AFG2A: variants seen among roughly 807,000 people sequenced by gnomAD.
The protein encoded by AFG2A is ATPase family gene 2 protein homolog A.
chr4:123,248,482 T>G, the AFG2A span, among the ~76,000 whole-genome samples: 1 of 152,338 alleles, frequency 6.6e-6, no homozygotes, highest in Admixed American at 6.5e-5. Context: ...TTTCAAAAGT[T>G]AGCTTTGTAC....
At chr4:122,975,178 G>A in the AFG2A span, among the ~76,000 whole-genome samples, 1 of 152,172 alleles carries the variant, frequency 6.6e-6, no homozygotes, top group South Asian at 2.1e-4. Flanking sequence ...AGATCAAGGT[G>A]CTGGCAGGTT....
chr4:123,032,620 A>C, the AFG2A span, among the ~76,000 whole-genome samples: 1 of 152,158 alleles, frequency 6.6e-6, no homozygotes, highest in Non-Finnish European at 1.5e-5. Context: ...TTCACCATGT[A>C]GGCCAGGCTG....
chr4:123,032,782 A>G, the AFG2A span, among the ~76,000 whole-genome samples: 1 of 152,234 alleles, frequency 6.6e-6, no homozygotes, highest in African/African-American at 2.4e-5. Context: ...TGGCAGTAAC[A>G]GTGAGCCACA....
At chr4:122,994,764 C>T in the AFG2A span, among the ~76,000 whole-genome samples, 1 of 151,256 alleles carries the variant, frequency 6.6e-6, no homozygotes, top group African/African-American at 2.4e-5. Flanking sequence ...AACCCAAACC[C>T]CTTAGTAAAC....
chr4:123,114,876 A>C, the AFG2A span, among the ~76,000 whole-genome samples: 6 of 152,212 alleles, frequency 3.9e-5, no homozygotes, highest in African/African-American at 1.4e-4. Flanking sequence ...TCCCAGGGCT[A>C]GTCCTGTGAG....
At chr4:123,211,705 G>A in the AFG2A span, among the ~76,000 whole-genome samples, 1 of 152,052 alleles carries the variant, frequency 6.6e-6, no homozygotes, top group Non-Finnish European at 1.5e-5. Flanking sequence ...CTAACGAGTA[G>A]TGAAATGGAG....
At chr4:122,966,184 T>A in the AFG2A span, among the ~76,000 whole-genome samples, 193 of 152,290 alleles carry the variant, frequency 1.3e-3, 1 homozygote, top group East Asian at 0.015. Flanking sequence ...TAGGATACGT[T>A]TATATAGAGT....
the AFG2A span, among the ~76,000 whole-genome samples, chr4:123,017,260 G>A: frequency 2.1e-5 from 3 of 142,962 alleles, no homozygotes; most frequent in Non-Finnish European, 3.1e-5. Context: ...GAGAGCGAGA[G>A]CGAGAGCGAG....
At chr4:123,274,595 TA>T in the AFG2A span, among the ~76,000 whole-genome samples, 3,559 of 140,948 alleles carry the variant, frequency 0.025, 138 homozygotes, top group African/African-American at 0.079. Context: ...AGCACATAAT[TA>T]AAAAAAAAAA....
the AFG2A span, among the ~76,000 whole-genome samples, chr4:123,301,349 T>C: frequency 6.6e-6 from 1 of 152,254 alleles, no homozygotes; most frequent in Admixed American, 6.5e-5. Flanking sequence ...CAAAATAATA[T>C]AATGTGAGCT....
chr4:123,292,292 T>C, the AFG2A span, among the ~76,000 whole-genome samples: 2 of 152,186 alleles, frequency 1.3e-5, no homozygotes, highest in South Asian at 2.1e-4. Context: ...GATTTCTTTA[T>C]GTTGGTTTTC....
the AFG2A span, among the ~76,000 whole-genome samples, chr4:122,992,950 T>A: frequency 9.9e-5 from 6 of 60,798 alleles, no homozygotes; most frequent in East Asian, 4.4e-3. Context: ...ATAGTTCCTG[T>A]AAGATTTGTG....
chr4:122,933,715 G>A, the AFG2A span, among the ~76,000 whole-genome samples: 2,897 of 152,284 alleles, frequency 0.019, 87 homozygotes, highest in African/African-American at 0.066. Context: ...CTTGTCTGTG[G>A]AAAGAGTCAG....
the AFG2A span, among the ~76,000 whole-genome samples, chr4:123,118,218 A>G: frequency 6.9e-6 from 1 of 145,940 alleles, no homozygotes; most frequent in Non-Finnish European, 1.5e-5. Flanking sequence ...TACTTTTATT[A>G]GTCTCTTGTT....
chr4:123,301,587 T>G, the AFG2A span, among the ~76,000 whole-genome samples: 1 of 152,186 alleles, frequency 6.6e-6, no homozygotes, highest in Non-Finnish European at 1.5e-5. Context: ...TGTCAATGAG[T>G]ATGACATGCA....
the AFG2A span, among the ~76,000 whole-genome samples, chr4:123,089,596 T>C: frequency 2.0e-5 from 3 of 152,066 alleles, no homozygotes; most frequent in Non-Finnish European, 4.4e-5. Flanking sequence ...TTTTTTTTTC[T>C]TTTTTTGGGA....
At chr4:123,304,982 A>T in the AFG2A span, among the ~76,000 whole-genome samples, 1 of 152,172 alleles carries the variant, frequency 6.6e-6, no homozygotes, top group Non-Finnish European at 1.5e-5. Flanking sequence ...AATCTCTAGG[A>T]TGCAGTTGTA....
At chr4:123,154,663 A>C in the AFG2A span, among the ~76,000 whole-genome samples, 1 of 152,192 alleles carries the variant, frequency 6.6e-6, no homozygotes, top group Admixed American at 6.5e-5. Flanking sequence ...ACAGCACTTA[A>C]ATTTCTTTGG....
At chr4:123,292,407 T>A in the AFG2A span, among the ~76,000 whole-genome samples, 92 of 152,144 alleles carry the variant, frequency 6.0e-4, 1 homozygote, top group Non-Finnish European at 2.4e-4. Context: ...TGCTGGGAGG[T>A]TAGTGAGATC....
Sources: allele counts gnomAD v4.1 joint callset (sites outside exome capture counted in the v4.1 genomes callset), GRCh38; gene constraint gnomAD v4.1.1; transcripts MANE v1.5; gene names NCBI Gene and HGNC (gene_info 2026-07-23, HGNC 2026-07-21).